The following SNX27 variants were observed in gnomAD, a reference collection of about 807,000 sequenced individuals.
SNX27 encodes sorting nexin-27.
SNX27 carries 22 observed loss-of-function variants against 71.6 expected under a neutral mutation model. The ratio of observed to expected loss-of-function variants is 0.31; its 90% confidence interval spans 0.22 to 0.44. The LOEUF (loss-of-function observed/expected upper bound fraction) is 0.44, where lower values mean the gene tolerates loss of function less well. Ranked by LOEUF, SNX27 falls within the 20% of genes least tolerant of loss-of-function variation. The pLI is 1.00. For synonymous variants in SNX27, 269 were observed against 277.2 expected, an observed-to-expected ratio of 0.97 and a Z score of 0.29; for missense variants, 531 against 698.6, an observed-to-expected ratio of 0.76 and a Z score of 2.70.
chr1:151,648,410 C>G (rs896367888), intron 2 of SNX27, among the ~76,000 whole-genome samples: 2 of 150,622 alleles, frequency 1.3e-5, no homozygotes, highest in African/African-American at 4.9e-5. Context: ...CACATATTTA[C>G]CATTTCTTTC....
intron 7 of SNX27, among the ~76,000 whole-genome samples, chr1:151,680,783 C>T (rs910162580): frequency 6.6e-6 from 1 of 152,088 alleles, no homozygotes; most frequent in African/African-American, 2.4e-5. Context: ...ATTTATTTCC[C>T]CCCTCTACTT....
In SNX27 at chr1:151,638,956, A is replaced by G; in HGVS notation, c.380A>G (p.Glu127Gly). 1 of 1,614,160 alleles carries G rather than the reference A, an allele frequency of 6.2e-7. No homozygotes were observed. Among genetic ancestry groups the G allele is most frequent in the Non-Finnish European group, 8.5e-7 (1 of 1,180,022 alleles). Residue 127 changes from glutamate to glycine, a missense_variant, in exon 2 of 12, where the codon GAA (glutamate) becomes GGA (glycine). Physicochemically the swap from Glu to Gly is moderately conservative, Grantham distance 98. Coordinates refer to ENST00000458013, the MANE Select transcript of SNX27 (RefSeq NM_001330723.2). ...GACCTGATTCGAGCAGGCGAGAAGGAATTGATCTTGACAGTGTTATCTGTA... is the reference window on the plus strand; with the variant it reads ...GACCTGATTCGAGCAGGCGAGAAGGGATTGATCTTGACAGTGTTATCTGTA... ...VVDLIRAGEKELILTVLSVPP... is the reference protein window; with the variant it reads ...VVDLIRAGEKGLILTVLSVPP...
intron 1 of SNX27, among the ~76,000 whole-genome samples, chr1:151,626,942 T>C (rs1233618046): frequency 6.6e-6 from 1 of 152,146 alleles, no homozygotes; most frequent in East Asian, 1.9e-4. Context: ...TTTCCTGCTG[T>C]AGTCCTAGAA....
intron 1 of SNX27, among the ~76,000 whole-genome samples, chr1:151,619,899 A>G (rs955924216): frequency 3.9e-5 from 6 of 152,174 alleles, no homozygotes; most frequent in African/African-American, 4.8e-5. Context: ...AAGGTAAACA[A>G]TTTGCTGTGT....
chr1:151,652,933 T>G (rs571769877), intron 2 of SNX27, among the ~76,000 whole-genome samples: 25 of 150,918 alleles, frequency 1.7e-4, no homozygotes, highest in Admixed American at 5.3e-4. Flanking sequence ...GTTTCTTTTT[T>G]TTTTTTTTTT....
chr1:151,661,014 T>C (rs1669943767), intron 4 of SNX27, 152 bp downstream of exon 4: 2 of 608,850 alleles, frequency 3.3e-6, no homozygotes, highest in Non-Finnish European at 5.9e-6. Context: ...TACTTATCTA[T>C]CCTTTAAGAC....
intron 4 of SNX27, 152 bp downstream of exon 4, chr1:151,661,014 T>A (rs1669943767): frequency 1.6e-6 from 1 of 608,732 alleles, no homozygotes; most frequent in Non-Finnish European, 3.0e-6. Flanking sequence ...TACTTATCTA[T>A]CCTTTAAGAC....
chr1:151,662,325 T>G, intron 5 of SNX27, 55 bp downstream of exon 5: 2 of 1,226,244 alleles, frequency 1.6e-6, no homozygotes, highest in South Asian at 1.2e-5. Context: ...CTAAGGAAGA[T>G]AGATTAAATA....
intron 1 of SNX27, among the ~76,000 whole-genome samples, chr1:151,619,602 A>G (rs1667581122): frequency 6.6e-6 from 1 of 151,424 alleles, no homozygotes; most frequent in Admixed American, 6.6e-5. Flanking sequence ...TGCCGGGCCC[A>G]CTCTGGTATT....
At chr1:151,635,792 TA>T (rs1668434644) in intron 1 of SNX27, among the ~76,000 whole-genome samples, 1 of 152,220 alleles carries the variant, frequency 6.6e-6, no homozygotes, top group African/African-American at 2.4e-5. Flanking sequence ...TGTCTTTTTT[TA>T]AAAGAGGTTT....
intron 2 of SNX27, 63 bp downstream of exon 2, chr1:151,639,182 T>TAA: frequency 7.0e-7 from 1 of 1,436,696 alleles, no homozygotes; most frequent in Non-Finnish European, 9.6e-7. Flanking sequence ...CTTATAATTA[T>TAA]GAAACTATTA....
chr1:151,634,548 C>T (rs1168344442), intron 1 of SNX27, among the ~76,000 whole-genome samples: 1 of 152,200 alleles, frequency 6.6e-6, no homozygotes, highest in Admixed American at 6.5e-5. Context: ...TTTGAAGCCA[C>T]TCCCATTAGC....
chr1:151,635,584 A>G (rs979470115), intron 1 of SNX27, among the ~76,000 whole-genome samples: 4 of 152,110 alleles, frequency 2.6e-5, no homozygotes, highest in Non-Finnish European at 5.9e-5. Context: ...GACTGTGAAG[A>G]CCTCTTAATT....
intron 5 of SNX27, among the ~76,000 whole-genome samples, chr1:151,664,308 T>C (rs1284817934): frequency 6.6e-6 from 1 of 151,424 alleles, no homozygotes; most frequent in Non-Finnish European, 1.5e-5. Flanking sequence ...ACATATATTA[T>C]CTTTTTGATG....
intron 1 of SNX27, among the ~76,000 whole-genome samples, chr1:151,624,958 AC>A (rs1230307535): frequency 1.3e-5 from 2 of 152,200 alleles, no homozygotes; most frequent in East Asian, 3.8e-4. Context: ...AGGTTGAAGA[AC>A]AGATGAGTCT....
chr1:151,623,138 A>G (rs1667750807), intron 1 of SNX27, among the ~76,000 whole-genome samples: 1 of 145,712 alleles, frequency 6.9e-6, no homozygotes, highest in South Asian at 2.2e-4. Flanking sequence ...ATACCTGCCT[A>G]ATATATATAT....
intron 2 of SNX27, among the ~76,000 whole-genome samples, chr1:151,655,746 A>G (rs1028821517): frequency 2.6e-5 from 4 of 152,192 alleles, no homozygotes; most frequent in African/African-American, 9.7e-5. Flanking sequence ...TGGGAGGTTA[A>G]TTACCACCTG....
rs1671733201 is a variant in SNX27, at chr1:151,696,517, C to A, written c.*2100C>A. On this transcript the variant is annotated 3_prime_UTR_variant, in exon 12 of 12. Coordinates refer to ENST00000458013, the MANE Select transcript of SNX27 (RefSeq NM_001330723.2). ...TCTTTCTTTCTTTCGTTCTTTCGTT[C>A]TTTCGTTCTTTCTTTCTTTCTTTCT... is the stretch of plus-strand genomic sequence containing the variant. 1 of 142,618 alleles carries A rather than the reference C, an allele frequency of 7.0e-6. No homozygotes were observed. The highest frequency in any genetic ancestry group is 1.5e-5 in the Non-Finnish European group (1 of 66,186). 8.8% of individuals were successfully genotyped at this position (142,618 alleles called of 1,614,324 possible).
chr1:151,681,235 CTTTT>C (rs762924986), intron 7 of SNX27, among the ~76,000 whole-genome samples: 1,953 of 60,630 alleles, frequency 0.032, 77 homozygotes, highest in African/African-American at 0.12. Flanking sequence ...GTCTCTCAAT[CTTTT>C]TTTTTTTTTT....
Sources: gnomAD v4.1 joint callset for allele counts (sites outside exome capture counted in the v4.1 genomes callset) on GRCh38, gnomAD v4.1.1 for gene constraint, MANE v1.5 for transcripts, NCBI Gene and HGNC (gene_info 2026-07-23, HGNC 2026-07-21) for gene names.